RAB38: variants seen among roughly 807,000 people sequenced by gnomAD.
The protein encoded by RAB38 is ras-related protein Rab-38.
A neutral mutation model predicts 18.4 loss-of-function variants in RAB38; 15 were observed. That is an observed-to-expected ratio of 0.82 (90% confidence interval 0.55 to 1.26). The LOEUF is 1.26. Among genes scored for constraint, RAB38 ranks in the 50% most tolerant of loss-of-function variants. The probability of loss-of-function intolerance (pLI) is 0.00; values close to 1 mark genes in which losing one functional copy is unlikely to be tolerated. For synonymous variants in RAB38, 101 were observed against 104.4 expected, an observed-to-expected ratio of 0.97 and a Z score of 0.20; for missense variants, 294 against 267.4, an observed-to-expected ratio of 1.10 and a Z score of -0.69.
the RAB38 span, among the ~76,000 whole-genome samples, chr11:87,949,584 G>A: frequency 2.0e-5 from 3 of 152,118 alleles, no homozygotes; most frequent in Non-Finnish European, 2.9e-5. Flanking sequence ...ATTGTGGTAT[G>A]TTGTATCTTT....
the RAB38 span, among the ~76,000 whole-genome samples, chr11:87,927,124 C>A: frequency 6.6e-6 from 1 of 151,946 alleles, no homozygotes; most frequent in Admixed American, 6.6e-5. Context: ...CAGAAAGAGG[C>A]GTCCCACTAA....
the RAB38 span, among the ~76,000 whole-genome samples, chr11:87,836,512 A>G: frequency 2.0e-5 from 3 of 152,036 alleles, no homozygotes; most frequent in African/African-American, 7.2e-5. Context: ...CTACTATCTG[A>G]GCTCAGCATA....
chr11:88,118,433 G>T (rs1207561136), intron 2 of RAB38, among the ~76,000 whole-genome samples: 6 of 152,162 alleles, frequency 3.9e-5, no homozygotes, highest in Admixed American at 3.9e-4. Context: ...CAGACCCTTT[G>T]GGCAATTAGA....
chr11:88,088,208 T>C, the RAB38 span, among the ~76,000 whole-genome samples: 1 of 151,960 alleles, frequency 6.6e-6, no homozygotes, highest in South Asian at 2.1e-4. Flanking sequence ...TAAATTGCAA[T>C]TAGGCAGAAG....
chr11:87,818,469 T>C, the RAB38 span, among the ~76,000 whole-genome samples: 1 of 152,090 alleles, frequency 6.6e-6, no homozygotes. Context: ...AGAAGAGTGG[T>C]TAAGTAAGTA....
the RAB38 span, among the ~76,000 whole-genome samples, chr11:87,931,346 C>T: frequency 6.6e-6 from 1 of 152,016 alleles, no homozygotes; most frequent in African/African-American, 2.4e-5. Context: ...TTCATCATAC[C>T]TACTGTCATC....
chr11:88,121,978 C>T (rs1295263714), intron 2 of RAB38, among the ~76,000 whole-genome samples: 2 of 152,206 alleles, frequency 1.3e-5, no homozygotes, highest in African/African-American at 4.8e-5. Flanking sequence ...TACGAACAAA[C>T]AGTCCACAAT....
intron 2 of RAB38, among the ~76,000 whole-genome samples, chr11:88,121,157 T>C (rs985125485): frequency 1.3e-5 from 2 of 152,208 alleles, no homozygotes; most frequent in Admixed American, 1.3e-4. Context: ...CCCTGGTACT[T>C]CGTACCCACC....
chr11:88,066,966 A>C, the RAB38 span, among the ~76,000 whole-genome samples: 2 of 152,198 alleles, frequency 1.3e-5, no homozygotes, highest in African/African-American at 4.8e-5. Flanking sequence ...CTTTCATTAT[A>C]AATTAGTTTT....
chr11:88,048,198 T>C, the RAB38 span, among the ~76,000 whole-genome samples: 7 of 152,086 alleles, frequency 4.6e-5, no homozygotes, highest in Non-Finnish European at 7.3e-5. Flanking sequence ...CTAAAATACC[T>C]CTTGGTCTGG....
the RAB38 span, among the ~76,000 whole-genome samples, chr11:87,904,845 G>T: frequency 6.6e-6 from 1 of 151,518 alleles, no homozygotes; most frequent in African/African-American, 2.4e-5. Context: ...GATGTATATT[G>T]GTGTGATTTT....
chr11:87,930,979 A>G, the RAB38 span, among the ~76,000 whole-genome samples: 71 of 152,226 alleles, frequency 4.7e-4, no homozygotes, highest in African/African-American at 1.7e-3. Flanking sequence ...CTTGTAGCAT[A>G]GTTTGAAGTC....
chr11:88,019,017 ACTT>A, the RAB38 span, among the ~76,000 whole-genome samples: 1 of 151,626 alleles, frequency 6.6e-6, no homozygotes, highest in African/African-American at 2.4e-5. Flanking sequence ...CTCACTGACC[ACTT>A]CTTTTCTATT....
the RAB38 span, among the ~76,000 whole-genome samples, chr11:87,863,070 A>T: frequency 1.3e-5 from 2 of 151,874 alleles, no homozygotes; most frequent in African/African-American, 4.8e-5. Flanking sequence ...AGCCTGGTGT[A>T]TAGAAAATGT....
At chr11:87,929,081 C>T in the RAB38 span, among the ~76,000 whole-genome samples, 1,493 of 152,086 alleles carry the variant, frequency 9.8e-3, 30 homozygotes, top group African/African-American at 0.034. Context: ...CAACACTGCC[C>T]TCCAGCCTGG....
chr11:88,048,948 T>C, the RAB38 span, among the ~76,000 whole-genome samples: 1 of 152,170 alleles, frequency 6.6e-6, no homozygotes, highest in Non-Finnish European at 1.5e-5. Flanking sequence ...CTTATTCCGT[T>C]TAGTTTTTCA....
the RAB38 span, among the ~76,000 whole-genome samples, chr11:88,102,899 C>T: frequency 1.3e-4 from 20 of 151,948 alleles, no homozygotes; most frequent in Admixed American, 3.9e-4. Flanking sequence ...TTGTTACTCC[C>T]GTCTCCTCCC....
the RAB38 span, among the ~76,000 whole-genome samples, chr11:87,960,075 G>A: frequency 1.4e-4 from 21 of 152,262 alleles, no homozygotes; most frequent in South Asian, 2.1e-3. Flanking sequence ...TAGCCTATGA[G>A]TGTCAAAGCT....
At chr11:87,937,348 A>ATC in the RAB38 span, among the ~76,000 whole-genome samples, 12 of 119,360 alleles carry the variant, frequency 1.0e-4, no homozygotes, top group African/African-American at 3.0e-4. Flanking sequence ...ATATATATAT[A>ATC]TATCATAATT....
Sources: gnomAD v4.1 joint callset for allele counts (sites outside exome capture counted in the v4.1 genomes callset) on GRCh38, gnomAD v4.1.1 for gene constraint, MANE v1.5 for transcripts, NCBI Gene and HGNC (gene_info 2026-07-23, HGNC 2026-07-21) for gene names.